GALNT18: variants seen among roughly 807,000 people sequenced by gnomAD.
GALNT18 encodes GalNAc-transferase 18.
A neutral mutation model predicts 69.5 loss-of-function variants in GALNT18; 44 were observed. That is an observed-to-expected ratio of 0.63 (90% confidence interval 0.50 to 0.81). The LOEUF (loss-of-function observed/expected upper bound fraction) is 0.81. GALNT18 is among the 40% of genes least tolerant of loss of function. The pLI is 0.00. For missense variants in GALNT18, 715 were observed against 810.0 expected (o/e 0.88, Z 1.42); for synonymous variants, 364 against 318.2 (o/e 1.14, Z -1.53).
chr11:11,304,776 G>T (rs971202454), intron 9 of GALNT18, among the ~76,000 whole-genome samples: 4 of 152,202 alleles, frequency 2.6e-5, no homozygotes, highest in African/African-American at 9.6e-5. Flanking sequence ...AGTGACAGAC[G>T]TCATTCCCAA....
chr11:11,369,528 T>G (rs1027180618), intron 6 of GALNT18, among the ~76,000 whole-genome samples: 3 of 152,176 alleles, frequency 2.0e-5, no homozygotes, highest in African/African-American at 7.2e-5. Context: ...TTAACTTGAT[T>G]ACATCTGCAA....
rs1293359190 is a variant in GALNT18 at position 11,415,682 on chromosome 11, C to T, written c.595+16939G>A. 6.6e-6 allele frequency among the ~76,000 whole-genome samples: 1 copy of T among 152,160 alleles called. No individual in the cohort carries two copies. The highest frequency in any genetic ancestry group is 1.5e-5 in the Non-Finnish European group (1 of 68,028). ...TAAAGTGGGCATAAAAACCCTAAAACATAGAACAGAAAAGACAGAATCTAT... is the reference window on the plus strand; with the variant it reads ...TAAAGTGGGCATAAAAACCCTAAAATATAGAACAGAAAAGACAGAATCTAT... On this transcript the variant is annotated intron_variant, in intron 3 of 10. Transcript: ENST00000227756. This position sits in a 1 kb window ranked among gnomAD's most constrained non-coding sequence, Gnocchi z 4.1.
At chr11:11,468,609 T>C (rs548573872) in intron 1 of GALNT18, among the ~76,000 whole-genome samples, 2 of 152,076 alleles carry the variant, frequency 1.3e-5, no homozygotes, top group Non-Finnish European at 2.9e-5. Context: ...GGGAGGTTGC[T>C]GGGAGTCAAA....
intron 1 of GALNT18, among the ~76,000 whole-genome samples, chr11:11,537,584 C>T (rs75710871): frequency 0.036 from 5,442 of 152,184 alleles, 330 homozygotes; most frequent in African/African-American, 0.12. Context: ...ACAGAAATAG[C>T]CCAGCCATGG....
chr11:11,333,283 C>T (rs922901739), intron 7 of GALNT18, among the ~76,000 whole-genome samples: 1 of 152,022 alleles, frequency 6.6e-6, no homozygotes, highest in Non-Finnish European at 1.5e-5. Context: ...TCCTAAGAAT[C>T]GTAACAGCTA....
chr11:11,446,400 G>A (rs982133719), intron 2 of GALNT18, among the ~76,000 whole-genome samples: 1 of 152,090 alleles, frequency 6.6e-6, no homozygotes, highest in Admixed American at 6.5e-5. Context: ...GTAACAGATT[G>A]ACTGAAAAGT....
chr11:11,373,527 C>T (rs1325035708), intron 5 of GALNT18, among the ~76,000 whole-genome samples: 1 of 152,158 alleles, frequency 6.6e-6, no homozygotes. Context: ...GAAAAACTGA[C>T]CTTAAGGTAC....
chr11:11,516,886 G>C (rs749490857), intron 1 of GALNT18, among the ~76,000 whole-genome samples: 1 of 152,220 alleles, frequency 6.6e-6, no homozygotes, highest in Non-Finnish European at 1.5e-5. Context: ...AATATGTCCA[G>C]TGCAATGGAC....
At position 11,332,258 on chromosome 11, in the gene GALNT18, T is replaced by C. The variant is rs1458590015; in HGVS notation, c.1416+436A>G. On this transcript the variant is annotated intron_variant, in intron 8 of 10. Transcript: ENST00000227756. This position sits in a 1 kb window ranked among gnomAD's most constrained non-coding sequence, Gnocchi z 4.3. ...ATAAAATAAATTCAAGATGGCTCTG[T>C]CTCTAGAACTCTTCTCAGGGAGGCT... Among the ~76,000 whole-genome samples the C allele has an allele frequency of 6.6e-6, 1 of 152,118 alleles. No homozygotes were observed. Among genetic ancestry groups the C allele is most frequent in the Non-Finnish European group, 1.5e-5 (1 of 68,020 alleles).
chr11:11,430,114 G>C lies in GALNT18; in HGVS notation c.595+2507C>G, dbSNP rs569453428. ...CCACTGCATTCCAGCCTGGGCAACAGAGCAAGACCCTGTCTCAAAAAAAAC... is the reference window on the plus strand; with the variant it reads ...CCACTGCATTCCAGCCTGGGCAACACAGCAAGACCCTGTCTCAAAAAAAAC... On this transcript the variant is annotated intron_variant, in intron 3 of 10. Transcript: ENST00000227756. This position sits in a 1 kb window ranked among gnomAD's most constrained non-coding sequence, Gnocchi z 4.9. Among the ~76,000 whole-genome samples the C allele has an allele frequency of 6.6e-6, 1 of 152,072 alleles. No homozygotes were observed. The highest frequency in any genetic ancestry group is 1.5e-5 in the Non-Finnish European group (1 of 68,018).
In GALNT18 at chr11:11,555,760, C is replaced by A. The variant is rs531064289; in HGVS notation, c.235+65599G>T. Among the ~76,000 whole-genome samples the A allele has an allele frequency of 6.6e-6, 1 of 152,278 alleles. No homozygotes were observed. The highest frequency in any genetic ancestry group is 6.5e-5 in the Admixed American group (1 of 15,298). On this transcript the variant is annotated intron_variant, in intron 1 of 10. Transcript: ENST00000227756. The surrounding 1 kb of genome is among the most constrained non-coding windows in gnomAD (Gnocchi z 4.7). ...AGCCAGAACCTCCTCAGATCAGGGGCCTCCTCAGGTAAGCCCATGACCAGG... is the reference window on the plus strand; with the variant it reads ...AGCCAGAACCTCCTCAGATCAGGGGACTCCTCAGGTAAGCCCATGACCAGG...
At chr11:11,308,494 C>A (rs1412533015) in intron 9 of GALNT18, among the ~76,000 whole-genome samples, 1 of 152,116 alleles carries the variant, frequency 6.6e-6, no homozygotes, top group East Asian at 1.9e-4. Context: ...TCTTATCAAA[C>A]CCCCAGTATC....
At chr11:11,499,890 T>A (rs1217563319) in intron 1 of GALNT18, among the ~76,000 whole-genome samples, 1 of 152,106 alleles carries the variant, frequency 6.6e-6, no homozygotes, top group African/African-American at 2.4e-5. Context: ...TCAGCAAAAT[T>A]CTGGTGGCAG....
intron 1 of GALNT18, among the ~76,000 whole-genome samples, chr11:11,451,195 G>T (rs1249334491): frequency 6.6e-6 from 1 of 152,126 alleles, no homozygotes; most frequent in Admixed American, 6.5e-5. Flanking sequence ...TGCTTGAAGG[G>T]TAGCACAAGC....
intron 3 of GALNT18, among the ~76,000 whole-genome samples, chr11:11,400,618 G>A (rs1854439786): frequency 6.6e-6 from 1 of 152,200 alleles, no homozygotes; most frequent in African/African-American, 2.4e-5. Flanking sequence ...AGTGTCTGGT[G>A]AGGGCACTCT....
At chr11:11,352,567 C>T (rs1170937935) in intron 6 of GALNT18, 1 of 1,614,022 alleles carries the variant, frequency 6.2e-7, no homozygotes, top group Admixed American at 1.7e-5. Context: ...TATTCTTGGC[C>T]AGGATGATAA....
At position 11,538,921 on chromosome 11, in the gene GALNT18, G is replaced by A. The variant is rs1857845178; in HGVS notation, c.235+82438C>T. On this transcript the variant is annotated intron_variant, in intron 1 of 10. Transcript: ENST00000227756. The surrounding 1 kb of genome is among the most constrained non-coding windows in gnomAD (Gnocchi z 5.2). The stretch of plus-strand genomic sequence containing the variant: ...TAAAAGATGCTTTGTCAACAGAGGT[G>A]CCCCCCAGATCCCTGGGTGCCGTGG... Among the ~76,000 whole-genome samples the A allele has an allele frequency of 6.6e-6, 1 of 152,104 alleles. No homozygotes were observed. The highest frequency in any genetic ancestry group is 2.1e-4 in the South Asian group (1 of 4,828).
intron 6 of GALNT18, among the ~76,000 whole-genome samples, chr11:11,360,031 G>A (rs762428468): frequency 3.9e-4 from 60 of 151,938 alleles, no homozygotes; most frequent in Non-Finnish European, 8.1e-4. Context: ...TGAAATTCTT[G>A]GCCTCAGAAG....
Position 11,544,651 on chromosome 11 carries a change from C to A in GALNT18, c.235+76708G>T, listed in dbSNP as rs549046619. 9.2e-5 allele frequency among the ~76,000 whole-genome samples: 14 copies of A among 152,266 alleles called. No homozygotes were observed. The South Asian group carries it at 2.9e-3, about 32-fold the overall frequency. ...ATGGTGGTTGGCTGCACCCATCAAC[C>A]CTTCCTCTAGGTTTTAAGCCTCGCA... On this transcript the variant is annotated intron_variant, in intron 1 of 10. Transcript: ENST00000227756.
Sources: allele counts gnomAD v4.1 joint callset (sites outside exome capture counted in the v4.1 genomes callset), GRCh38; gene constraint gnomAD v4.1.1; non-coding constraint Gnocchi (gnomAD v3.1); transcripts MANE v1.5; gene names NCBI Gene and HGNC (gene_info 2026-07-23, HGNC 2026-07-21).